CRTAC1: variants seen among roughly 807,000 people sequenced by gnomAD.
CRTAC1 encodes acidic secreted protein in cartilage.
Under a neutral mutation model 67.8 loss-of-function variants are expected in CRTAC1, and 37 were observed. That is an observed-to-expected ratio of 0.55 (90% CI 0.42 to 0.72). CRTAC1 has a LOEUF of 0.72. Ranked by LOEUF, CRTAC1 falls within the 30% of genes least tolerant of loss-of-function variation. CRTAC1 has a pLI of 0.00. For missense variants in CRTAC1, 780 were observed against 931.6 expected (o/e 0.84, Z 2.12); for synonymous variants, 348 against 371.0 (o/e 0.94, Z 0.71).
At chr10:97,962,119 T>C (rs1463869541) in intron 2 of CRTAC1, among the ~76,000 whole-genome samples, 1 of 152,206 alleles carries the variant, frequency 6.6e-6, no homozygotes. Flanking sequence ...GCGGTTTTCC[T>C]TCTTCATCCG....
At chr10:97,920,493 A>G (rs939950410) in intron 4 of CRTAC1, among the ~76,000 whole-genome samples, 2 of 149,676 alleles carry the variant, frequency 1.3e-5, no homozygotes, top group South Asian at 4.2e-4. Context: ...GGGGCTTGTT[A>G]AAACACAGAT....
intron 8 of CRTAC1, among the ~76,000 whole-genome samples, chr10:97,899,416 G>C (rs1244376417): frequency 6.6e-6 from 1 of 152,206 alleles, no homozygotes; most frequent in Non-Finnish European, 1.5e-5. Flanking sequence ...TGGGAGATTT[G>C]AAGCAGGCTG....
chr10:97,935,113 C>T (rs1012316123), intron 3 of CRTAC1, among the ~76,000 whole-genome samples: 5 of 152,154 alleles, frequency 3.3e-5, no homozygotes, highest in African/African-American at 1.2e-4. Flanking sequence ...AGCCGTAGAG[C>T]ATCTTGATTA....
chr10:97,993,928 C>T (rs1173816723), intron 2 of CRTAC1, among the ~76,000 whole-genome samples: 1 of 152,138 alleles, frequency 6.6e-6, no homozygotes, highest in African/African-American at 2.4e-5. Context: ...GTCATCTTGG[C>T]TCACTGCAAC....
chr10:97,877,569 C>A (rs2050162513), intron 14 of CRTAC1, among the ~76,000 whole-genome samples: 1 of 152,258 alleles, frequency 6.6e-6, no homozygotes, highest in Non-Finnish European at 1.5e-5. Context: ...TTGTTACCTT[C>A]ATTTACCATT....
chr10:98,000,366 C>T (rs1006292263), intron 2 of CRTAC1, among the ~76,000 whole-genome samples: 15 of 152,230 alleles, frequency 9.9e-5, no homozygotes, highest in Non-Finnish European at 5.9e-5. Flanking sequence ...GGTGCCACCA[C>T]GTTCCCCAGT....
chr10:97,927,149 G>A (rs1234309554), intron 3 of CRTAC1, among the ~76,000 whole-genome samples: 1 of 152,152 alleles, frequency 6.6e-6, no homozygotes, highest in Non-Finnish European at 1.5e-5. Flanking sequence ...GCTATCTAGA[G>A]GAGAAACTAG....
chr10:97,943,585 C>T (rs2051212765), intron 2 of CRTAC1, among the ~76,000 whole-genome samples: 1 of 152,208 alleles, frequency 6.6e-6, no homozygotes, highest in African/African-American at 2.4e-5. Flanking sequence ...TTTATAGATA[C>T]ACAAAGTTTC....
chr10:97,875,720 G>A (rs991879867), intron 14 of CRTAC1: 17 of 152,240 alleles, frequency 1.1e-4, no homozygotes, highest in African/African-American at 3.9e-4. Context: ...CAAAAATGAA[G>A]TGCTCATCTT....
chr10:98,023,586 G>A (rs532837888), intron 1 of CRTAC1, among the ~76,000 whole-genome samples: 1 of 152,310 alleles, frequency 6.6e-6, no homozygotes, highest in Admixed American at 6.5e-5. Context: ...CTTCTCAGAT[G>A]AGAGGTGCAT....
At position 98,011,541 on chromosome 10, in the gene CRTAC1, A is replaced by G. The variant is rs190355435; in HGVS notation, c.25-204T>C. On this transcript the variant is annotated intron_variant, in intron 1 of 14. Coordinates refer to ENST00000370597, the MANE Select transcript of CRTAC1 (RefSeq NM_018058.7). ...ATTGAAACTGCAACCTGACTCCATC[A>G]TGGCTGATCGCCCTTAGCCTGCTCT... Among the ~76,000 whole-genome samples, 230 of 151,366 alleles carry G rather than the reference A, an allele frequency of 1.5e-3. 4 individuals are homozygous for G. The highest frequency in any genetic ancestry group is 4.4e-4 in the Non-Finnish European group (30 of 67,904).
rs2050006420 is a variant in CRTAC1, at chr10:97,865,308, C to T, written c.*240G>A. Reference sequence around the variant, plus strand: ...TGTGTCCTAAGATATGGTCATTAGACCCACTGGAATGTAAGCGCCATCAGG... The same window carrying T: ...TGTGTCCTAAGATATGGTCATTAGATCCACTGGAATGTAAGCGCCATCAGG... On this transcript the variant is annotated 3_prime_UTR_variant, in exon 15 of 15. Coordinates refer to ENST00000370597, the MANE Select transcript of CRTAC1 (RefSeq NM_018058.7). 1 of 442,666 alleles carries T rather than the reference C, an allele frequency of 2.3e-6. No homozygotes were observed. Among genetic ancestry groups the T allele is most frequent in the Middle Eastern group, 5.9e-4 (1 of 1,688 alleles). The allele number at this position is 442,666 out of a possible 1,614,324, so 27.4% of individuals were successfully genotyped here.
At chr10:97,973,078 T>C (rs1396623394) in intron 2 of CRTAC1, among the ~76,000 whole-genome samples, 1 of 152,212 alleles carries the variant, frequency 6.6e-6, no homozygotes. Flanking sequence ...AAGGAAGGAA[T>C]ATGCCATAAT....
chr10:98,005,096 ATATATT>A (rs1842758458), intron 2 of CRTAC1, among the ~76,000 whole-genome samples: 1 of 33,018 alleles, frequency 3.0e-5, no homozygotes, highest in South Asian at 1.0e-3. Flanking sequence ...ATATATATAT[ATATATT>A]TTTTTTTTTT....
intron 2 of CRTAC1, among the ~76,000 whole-genome samples, chr10:97,959,811 C>G (rs770138834): frequency 1.8e-4 from 28 of 152,228 alleles, no homozygotes; most frequent in Non-Finnish European, 3.1e-4. Flanking sequence ...CTTCTTGAAC[C>G]AGGTGCCTTC....
rs1315330024 is a variant in CRTAC1, at chr10:97,931,147, A to AT, written c.421+5022dup. 1.1e-4 allele frequency among the ~76,000 whole-genome samples: 4 copies of AT among 34,814 alleles called. No homozygotes were observed. In the Admixed American group the frequency reaches 1.6e-3, roughly 14 times the overall value. 22.8% of individuals were successfully genotyped at this position (34,814 alleles called of 152,430 possible). On this transcript the variant is annotated intron_variant, in intron 3 of 14. Coordinates refer to ENST00000370597, the MANE Select transcript of CRTAC1 (RefSeq NM_018058.7). ...GTGAAAATTAAAACTGCACTTAGAT[A>AT]TAATTTTTCCCCATCAGATTAGCAA...
At chr10:97,959,513 T>C (rs539434054) in intron 2 of CRTAC1, among the ~76,000 whole-genome samples, 35 of 152,346 alleles carry the variant, frequency 2.3e-4, no homozygotes, top group African/African-American at 7.7e-4. Flanking sequence ...GTACAGGGCC[T>C]TGAGGCCCTG....
At position 97,895,267 on chromosome 10, in the gene CRTAC1, C is replaced by T. The variant is rs2050440265; in HGVS notation, c.1464G>A (p.Glu488=). The T allele has an allele frequency of 6.2e-7, 1 of 1,612,414 alleles. No individual in the cohort carries two copies. The highest frequency in any genetic ancestry group is 8.5e-7 in the Non-Finnish European group (1 of 1,180,012). ...CACCCAGGCCAAAGTGTGCCACGGG[C>T]TCCATCTCACACAGGTAGCCTGAGC... The part of the protein sequence containing the change: ...DGGSGYLCEM[E]PVAHFGLGKD... Residue 488 remains glutamate, a synonymous_variant, in exon 11 of 15, where the codon GAG becomes GAA. Coordinates refer to ENST00000370597, the MANE Select transcript of CRTAC1 (RefSeq NM_018058.7). The surrounding 1 kb of genome is among the most constrained non-coding windows in gnomAD (Gnocchi z 4.2).
In CRTAC1 at chr10:97,901,590, A is replaced by G; in HGVS notation, c.1046T>C (p.Ile349Thr). 6.2e-7 allele frequency: 1 copy of G among 1,614,214 alleles called. No individual in the cohort carries two copies. Among genetic ancestry groups the G allele is most frequent in the Non-Finnish European group, 8.5e-7 (1 of 1,180,044 alleles). ...FSMPSPVRTV[I>T]TADFDNDQEL... ...CTGGTCATTGTCAAAGTCGGCGGTG[A>G]TGACCGTGCGGACAGGGGAGGGCAT... Residue 349 changes from isoleucine (I) to threonine (T), a missense_variant, in exon 8 of 15, where the codon ATC becomes ACC. Transcript: ENST00000370597.
Sources: allele counts gnomAD v4.1 joint callset (sites outside exome capture counted in the v4.1 genomes callset), GRCh38; gene constraint gnomAD v4.1.1; non-coding constraint Gnocchi (gnomAD v3.1); transcripts MANE v1.5; gene names NCBI Gene and HGNC (gene_info 2026-07-23, HGNC 2026-07-21).